The following CSMD1 variants were observed in gnomAD, a reference collection of about 807,000 sequenced individuals.
CSMD1 encodes the protein CUB and sushi domain-containing protein 1.
Under a neutral mutation model 417.5 loss-of-function variants are expected in CSMD1, and 213 were observed. The ratio of observed to expected loss-of-function variants is 0.51; its 90% CI spans 0.46 to 0.57. The LOEUF is 0.57. CSMD1 is among the 20% of genes least tolerant of loss of function. CSMD1 has a pLI of 0.00. For missense variants in CSMD1, 6,923 were observed against 4,529.7 expected (o/e 1.53, Z -15.17); for synonymous variants, 2,862 against 1,736.8 (o/e 1.65, Z -16.11).
chr8:3,542,615 A>G (rs1194148511), intron 10 of CSMD1, among the ~76,000 whole-genome samples: 1 of 152,142 alleles, frequency 6.6e-6, no homozygotes. Context: ...CTTGAATTCT[A>G]TGCTGTATGG....
At position 4,673,450 on chromosome 8, in the gene CSMD1, T is replaced by A. The variant is rs1336287802; in HGVS notation, c.86-35892A>T. ...GGGCCCAGAGGTGTTGAGGCACACT[T>A]GATATCATTGGCCACATTATCTAAA... On this transcript the variant is annotated intron_variant, in intron 1 of 69. Transcript: ENST00000635120. Among the ~76,000 whole-genome samples, 4 of 152,186 alleles carry A rather than the reference T, an allele frequency of 2.6e-5. No individual in the cohort carries two copies. The South Asian group carries it at 8.3e-4, about 31-fold the overall frequency.
intron 5 of CSMD1, among the ~76,000 whole-genome samples, chr8:3,841,042 C>A (rs1259768188): frequency 6.6e-6 from 1 of 151,910 alleles, no homozygotes; most frequent in Non-Finnish European, 1.5e-5. Context: ...AGTCTTAGGG[C>A]AAAATTCCAG....
At chr8:3,423,810 C>T (rs994848510) in intron 12 of CSMD1, among the ~76,000 whole-genome samples, 1 of 152,198 alleles carries the variant, frequency 6.6e-6, no homozygotes, top group African/African-American at 2.4e-5. Flanking sequence ...TGGGTACTCC[C>T]TCAGCGACCT....
rs146225138 is a variant in CSMD1, at chr8:3,261,378, G to A, written c.4153+22766C>T. ...TTATCTCAGAGAAATAGAAACTTAC[G>A]TTCCCATGATAAAGATAACAAATAT... On this transcript the variant is annotated intron_variant, in intron 26 of 69. Coordinates refer to ENST00000635120, the MANE Select transcript of CSMD1 (RefSeq NM_033225.6). Among the ~76,000 whole-genome samples, 348 of 152,174 alleles carry A rather than the reference G, an allele frequency of 2.3e-3. 1 individual carries two copies. The highest frequency in any genetic ancestry group is 7.9e-3 in the African/African-American group (327 of 41,512).
intron 52 of CSMD1, among the ~76,000 whole-genome samples, chr8:3,002,989 A>C (rs538587303): frequency 2.6e-5 from 4 of 152,340 alleles, no homozygotes; most frequent in Non-Finnish European, 5.9e-5. Flanking sequence ...AAGCTTCCTA[A>C]TACAGAACAA....
intron 6 of CSMD1, among the ~76,000 whole-genome samples, chr8:3,746,535 G>C (rs1434427638): frequency 6.6e-6 from 1 of 152,154 alleles, no homozygotes; most frequent in African/African-American, 2.4e-5. Context: ...AAAGTGCACT[G>C]AATTAAAATT....
intron 12 of CSMD1, among the ~76,000 whole-genome samples, chr8:3,422,725 C>T (rs189465952): frequency 3.2e-4 from 48 of 152,218 alleles, no homozygotes; most frequent in African/African-American, 9.4e-4. Context: ...CCTTGTGCTG[C>T]GATAACAGAA....
chr8:3,243,457 T>A (rs1004700391), intron 26 of CSMD1, among the ~76,000 whole-genome samples: 25 of 132,530 alleles, frequency 1.9e-4, no homozygotes, highest in Non-Finnish European at 4.7e-5. Context: ...AAAGGAAAAT[T>A]ACAGTCAAAG....
intron 57 of CSMD1, among the ~76,000 whole-genome samples, chr8:2,967,644 T>C (rs553103962): frequency 6.6e-6 from 1 of 152,194 alleles, no homozygotes; most frequent in Admixed American, 6.5e-5. Context: ...AAGTGACCCT[T>C]GGCTGGTTAA....
At chr8:4,226,039 T>G (rs1461007972) in intron 3 of CSMD1, among the ~76,000 whole-genome samples, 1 of 150,578 alleles carries the variant, frequency 6.6e-6, no homozygotes, top group Non-Finnish European at 1.5e-5. Flanking sequence ...CCTACTCAAG[T>G]AAGCTGGAAG....
chr8:4,655,674 T>G (rs569095598), intron 1 of CSMD1, among the ~76,000 whole-genome samples: 1 of 152,020 alleles, frequency 6.6e-6, no homozygotes, highest in African/African-American at 2.4e-5. Flanking sequence ...AAAGTCAATA[T>G]AATGGAAAAG....
At chr8:4,644,163 C>T (rs1037323249) in intron 1 of CSMD1, among the ~76,000 whole-genome samples, 1 of 152,138 alleles carries the variant, frequency 6.6e-6, no homozygotes, top group African/African-American at 2.4e-5. Context: ...CAGGAGTACC[C>T]GGTTTGTATC....
intron 1 of CSMD1, among the ~76,000 whole-genome samples, chr8:4,889,141 T>C (rs1942349534): frequency 6.6e-6 from 1 of 152,094 alleles, no homozygotes; most frequent in Non-Finnish European, 1.5e-5. Context: ...GTATTTTCAT[T>C]AATCACAAAA....
intron 1 of CSMD1, among the ~76,000 whole-genome samples, chr8:4,665,391 G>T (rs1314721440): frequency 6.6e-6 from 1 of 152,184 alleles, no homozygotes. Context: ...ACGGGTCCAT[G>T]AGTCGTGAAA....
intron 30 of CSMD1, among the ~76,000 whole-genome samples, chr8:3,213,430 G>T (rs1269524485): frequency 6.6e-6 from 1 of 152,086 alleles, no homozygotes; most frequent in African/African-American, 2.4e-5. Context: ...TATGCACCCT[G>T]GCCAGCAGCC....
chr8:4,196,294 C>G (rs1451522073), intron 3 of CSMD1, among the ~76,000 whole-genome samples: 1 of 152,190 alleles, frequency 6.6e-6, no homozygotes, highest in Non-Finnish European at 1.5e-5. Context: ...TTACAGAGCG[C>G]TCATTTGTTC....
intron 1 of CSMD1, among the ~76,000 whole-genome samples, chr8:4,839,166 C>G (rs555498486): frequency 6.6e-5 from 10 of 152,262 alleles, no homozygotes; most frequent in African/African-American, 2.4e-4. Context: ...ATCCTTCTTT[C>G]CCTTCATCAG....
At chr8:3,324,566 C>G (rs1806394267) in intron 23 of CSMD1, among the ~76,000 whole-genome samples, 1 of 150,902 alleles carries the variant, frequency 6.6e-6, no homozygotes, top group Non-Finnish European at 1.5e-5. Context: ...AAAATAGACA[C>G]ACATCTAACC....
chr8:4,913,487 A>G (rs1373167127), intron 1 of CSMD1, among the ~76,000 whole-genome samples: 1 of 152,146 alleles, frequency 6.6e-6, no homozygotes, highest in African/African-American at 2.4e-5. Context: ...CAAATAGAGA[A>G]TGAAAACTAC....
Sources: allele counts gnomAD v4.1 joint callset (sites outside exome capture counted in the v4.1 genomes callset), GRCh38; gene constraint gnomAD v4.1.1; transcripts MANE v1.5; gene names NCBI Gene and HGNC (gene_info 2026-07-23, HGNC 2026-07-21).